Variants in AKR1C8 observed in about 807,000 individuals in gnomAD.
The protein encoded by AKR1C8 is aldo-keto reductase family 1 member C8.
At chr10:5,162,977 T>C in the AKR1C8 span, 3 of 534,582 alleles carry the variant, frequency 5.6e-6, no homozygotes, top group Non-Finnish European at 1.2e-5. Context: ...GAAGCCTACG[T>C]CAATAGCCAC....
At chr10:5,177,492 G>A in the AKR1C8 span, among the ~76,000 whole-genome samples, 60 of 152,198 alleles carry the variant, frequency 3.9e-4, 1 homozygote, top group South Asian at 1.9e-3. Flanking sequence ...TGCTGGCCTC[G>A]TAAAATGAGT....
chr10:5,163,623 A>T, the AKR1C8 span, among the ~76,000 whole-genome samples: 9 of 152,252 alleles, frequency 5.9e-5, no homozygotes, highest in South Asian at 2.1e-4. Context: ...GAATTAAGAT[A>T]AAAAAGTTAG....
At chr10:5,116,699 C>T in the AKR1C8 span, among the ~76,000 whole-genome samples, 1 of 152,180 alleles carries the variant, frequency 6.6e-6, no homozygotes, top group Non-Finnish European at 1.5e-5. Flanking sequence ...CAACCAGGTG[C>T]ACTGCTTGAA....
At chr10:5,121,682 C>T in the AKR1C8 span, among the ~76,000 whole-genome samples, 545 of 152,116 alleles carry the variant, frequency 3.6e-3, 2 homozygotes, top group African/African-American at 0.012. Flanking sequence ...TTATGTCTTA[C>T]GTTGCCTCGG....
At chr10:5,140,974 C>A in the AKR1C8 span, among the ~76,000 whole-genome samples, 3 of 152,142 alleles carry the variant, frequency 2.0e-5, no homozygotes. Context: ...CATTGATAGA[C>A]TTCTTTCATG....
At chr10:5,160,688 C>T in the AKR1C8 span, 2 of 390,374 alleles carry the variant, frequency 5.1e-6, no homozygotes, top group Non-Finnish European at 1.0e-5. Context: ...AACACAGAGG[C>T]ACAGAGAAGC....
the AKR1C8 span, chr10:5,158,478 T>G: frequency 1.9e-5 from 7 of 375,588 alleles, no homozygotes; most frequent in African/African-American, 1.5e-4. Flanking sequence ...ACTACACCGT[T>G]GCTTTTCGCT....
At chr10:5,137,231 C>A in the AKR1C8 span, among the ~76,000 whole-genome samples, 5 of 152,204 alleles carry the variant, frequency 3.3e-5, no homozygotes, top group African/African-American at 9.6e-5. Context: ...CAGCTCCCAG[C>A]GTGATTGATG....
chr10:5,183,935 C>T, the AKR1C8 span, among the ~76,000 whole-genome samples: 1 of 152,158 alleles, frequency 6.6e-6, no homozygotes, highest in African/African-American at 2.4e-5. Context: ...TTTGTGTAAC[C>T]AACAGACTTC....
the AKR1C8 span, among the ~76,000 whole-genome samples, chr10:5,152,709 C>G: frequency 6.6e-6 from 1 of 151,986 alleles, no homozygotes; most frequent in Admixed American, 6.6e-5. Flanking sequence ...GCTTCTGGGG[C>G]CTTCATTTGA....
the AKR1C8 span, among the ~76,000 whole-genome samples, chr10:5,120,944 C>T: frequency 6.6e-5 from 10 of 151,838 alleles, no homozygotes; most frequent in Non-Finnish European, 1.3e-4. Flanking sequence ...CCAAGCCATG[C>T]TAATTATGAT....
chr10:5,179,670 G>GCTCAT, the AKR1C8 span, among the ~76,000 whole-genome samples: 4,491 of 146,716 alleles, frequency 0.031, 246 homozygotes, highest in African/African-American at 0.11. Context: ...TGGAGGCTTT[G>GCTCAT]TTCTTTTTAT....
the AKR1C8 span, chr10:5,185,096 C>T: frequency 6.2e-5 from 33 of 534,612 alleles, no homozygotes; most frequent in Admixed American, 3.3e-4. Flanking sequence ...GCTTCAGATC[C>T]GTCATCATCC....
chr10:5,182,690 G>T, the AKR1C8 span, among the ~76,000 whole-genome samples: 3 of 152,008 alleles, frequency 2.0e-5, no homozygotes, highest in African/African-American at 7.2e-5. Context: ...CAGGCAGATT[G>T]CCTGAGCTCA....
chr10:5,155,478 T>G, the AKR1C8 span: 1 of 279,268 alleles, frequency 3.6e-6, no homozygotes. Flanking sequence ...CATTGGCAGT[T>G]TCACTTACAG....
the AKR1C8 span, among the ~76,000 whole-genome samples, chr10:5,136,212 C>A: frequency 2.0e-5 from 3 of 152,106 alleles, no homozygotes; most frequent in Non-Finnish European, 2.9e-5. Flanking sequence ...TCCTCACATG[C>A]CTTAATTTTT....
At chr10:5,158,174 T>C in the AKR1C8 span, among the ~76,000 whole-genome samples, 10 of 152,108 alleles carry the variant, frequency 6.6e-5, no homozygotes, top group Admixed American at 3.9e-4. Flanking sequence ...ACAAAACTAA[T>C]CTAAGGTGAA....
the AKR1C8 span, among the ~76,000 whole-genome samples, chr10:5,119,705 C>G: frequency 1.1e-3 from 173 of 152,230 alleles, no homozygotes; most frequent in African/African-American, 4.0e-3. Flanking sequence ...TACAGAGATC[C>G]TCTCCAAGAT....
the AKR1C8 span, among the ~76,000 whole-genome samples, chr10:5,165,179 C>T: frequency 6.6e-6 from 1 of 152,142 alleles, no homozygotes; most frequent in Non-Finnish European, 1.5e-5. Context: ...TACCCTCCTC[C>T]CTCTCCATTT....
Sources: gnomAD v4.1 joint callset for allele counts (sites outside exome capture counted in the v4.1 genomes callset) on GRCh38, gnomAD v4.1.1 for gene constraint, MANE v1.5 for transcripts, NCBI Gene and HGNC (gene_info 2026-07-23, HGNC 2026-07-21) for gene names.